The following ARHGAP26 variants were observed in gnomAD, a reference collection of about 807,000 sequenced individuals.
The protein encoded by ARHGAP26 is Rho GTPase activating protein 26.
A neutral mutation model predicts 104.8 loss-of-function variants in ARHGAP26; 38 were observed. The ratio of observed to expected loss-of-function variants is 0.36; its 90% confidence interval spans 0.28 to 0.48. ARHGAP26 has a LOEUF of 0.48. ARHGAP26 is among the 20% of genes least tolerant of loss of function. The pLI, the probability that ARHGAP26 is intolerant of heterozygous loss-of-function variation, is 0.99. For missense variants in ARHGAP26, 704 were observed against 947.9 expected, an observed-to-expected ratio of 0.74 and a Z score of 3.38; for synonymous variants, 341 against 340.0, an observed-to-expected ratio of 1.00 and a Z score of -0.03.
At chr5:142,913,526 T>C (rs1387457962) in intron 10 of ARHGAP26, among the ~76,000 whole-genome samples, 4 of 152,144 alleles carry the variant, frequency 2.6e-5, no homozygotes, top group Admixed American at 6.5e-5. Context: ...ATCTTTTGGG[T>C]TCAGCACTGA....
At chr5:143,019,911 C>A (rs1026854577) in intron 12 of ARHGAP26, among the ~76,000 whole-genome samples, 6 of 152,174 alleles carry the variant, frequency 3.9e-5, no homozygotes, top group Admixed American at 3.9e-4. Context: ...TGGGTATTAA[C>A]TCAGATTCCA....
chr5:142,910,259 C>G (rs539243556), intron 9 of ARHGAP26, among the ~76,000 whole-genome samples: 21 of 152,232 alleles, frequency 1.4e-4, no homozygotes, highest in Non-Finnish European at 2.5e-4. Context: ...TAACAAGTTA[C>G]AGAGCTGGTG....
intron 11 of ARHGAP26, among the ~76,000 whole-genome samples, chr5:142,951,331 A>T (rs568746123): frequency 2.6e-4 from 40 of 152,242 alleles, no homozygotes; most frequent in Non-Finnish European, 5.0e-4. Context: ...AAGTGCTGGG[A>T]TTACAGGCAT....
intron 17 of ARHGAP26, among the ~76,000 whole-genome samples, chr5:143,076,034 C>G (rs915276832): frequency 1.3e-5 from 2 of 152,056 alleles, no homozygotes; most frequent in African/African-American, 2.4e-5. Context: ...AGCTCTCACT[C>G]TGTCACCCAG....
intron 11 of ARHGAP26, among the ~76,000 whole-genome samples, chr5:143,006,042 A>G (rs1381874478): frequency 6.6e-6 from 1 of 152,218 alleles, no homozygotes; most frequent in Non-Finnish European, 1.5e-5. Context: ...GTGGATGTAG[A>G]GCTAACACAC....
In ARHGAP26 at chr5:142,910,058, T is replaced by A. The variant is rs372220864; in HGVS notation, c.933+2254T>A. On this transcript the variant is annotated intron_variant, in intron 9 of 22. Coordinates refer to ENST00000645722, the MANE Select transcript of ARHGAP26 (RefSeq NM_001135608.3). ...TATAAAAATTTTTTGGAACAAATCC[T>A]GACACATAATGGGTGCTATATTAGG... Among the ~76,000 whole-genome samples the A allele has an allele frequency of 4.3e-4, 65 of 152,368 alleles. No individual in the cohort carries two copies. The South Asian group carries it at 0.013, about 30-fold the overall frequency.
intron 22 of ARHGAP26, chr5:143,216,584 G>A (rs1810384128): frequency 6.5e-6 from 2 of 307,898 alleles, no homozygotes; most frequent in Admixed American, 4.2e-5. Context: ...ATACAACATG[G>A]TCGTCATCAT....
At chr5:142,948,651 C>G (rs1598352855) in intron 11 of ARHGAP26, among the ~76,000 whole-genome samples, 1 of 140,934 alleles carries the variant, frequency 7.1e-6, no homozygotes, top group Admixed American at 7.1e-5. Context: ...TTCCTTAGCT[C>G]TTTTTTTTTT....
At chr5:142,940,435 A>G (rs961866429) in intron 11 of ARHGAP26, among the ~76,000 whole-genome samples, 4 of 152,052 alleles carry the variant, frequency 2.6e-5, no homozygotes, top group Non-Finnish European at 4.4e-5. Flanking sequence ...TAAGCCTAGT[A>G]CCCAATAATT....
chr5:142,855,230 G>T (rs1297245875), intron 1 of ARHGAP26, among the ~76,000 whole-genome samples: 1 of 152,180 alleles, frequency 6.6e-6, no homozygotes, highest in East Asian at 1.9e-4. Flanking sequence ...GAAAGAAAGG[G>T]CAGGGGTGGG....
chr5:143,110,638 TA>T (rs1339406547), intron 17 of ARHGAP26, among the ~76,000 whole-genome samples: 8 of 152,200 alleles, frequency 5.3e-5, no homozygotes, highest in Non-Finnish European at 7.4e-5. Flanking sequence ...AACTAATCAA[TA>T]AATCAATGAT....
chr5:142,836,960 A>G (rs958240151), intron 1 of ARHGAP26, among the ~76,000 whole-genome samples: 1 of 152,192 alleles, frequency 6.6e-6, no homozygotes, highest in African/African-American at 2.4e-5. Context: ...GGTTTTTCAT[A>G]TTTCAAATCC....
At chr5:142,962,681 A>C (rs968857023) in intron 11 of ARHGAP26, among the ~76,000 whole-genome samples, 3 of 152,130 alleles carry the variant, frequency 2.0e-5, no homozygotes, top group Non-Finnish European at 4.4e-5. Context: ...CTTTGCTTCT[A>C]CTTGAGTGTG....
intron 17 of ARHGAP26, among the ~76,000 whole-genome samples, chr5:143,063,867 T>C (rs374570574): frequency 6.6e-6 from 1 of 152,186 alleles, no homozygotes. Flanking sequence ...TCTTTTAGCA[T>C]GTATCACATT....
intron 11 of ARHGAP26, among the ~76,000 whole-genome samples, chr5:142,999,736 C>G (rs946663922): frequency 2.0e-5 from 3 of 151,896 alleles, no homozygotes; most frequent in Admixed American, 6.6e-5. Flanking sequence ...TGTAATAGGA[C>G]ATAGAAAGTG....
At chr5:143,129,099 G>A (rs540138142) in intron 18 of ARHGAP26, among the ~76,000 whole-genome samples, 1 of 152,306 alleles carries the variant, frequency 6.6e-6, no homozygotes, top group Non-Finnish European at 1.5e-5. Context: ...GGGCCAGAGG[G>A]GGAATCAGTG....
intron 14 of ARHGAP26, among the ~76,000 whole-genome samples, chr5:143,050,043 G>A (rs929959159): frequency 1.6e-4 from 24 of 152,334 alleles, no homozygotes; most frequent in South Asian, 4.1e-4. Context: ...GTGTTTGCTG[G>A]AGTGGGGTTG....
chr5:142,888,780 C>T (rs1351198895), intron 5 of ARHGAP26, among the ~76,000 whole-genome samples: 4 of 152,212 alleles, frequency 2.6e-5, no homozygotes, highest in Non-Finnish European at 5.9e-5. Context: ...ACTCACTGGA[C>T]GCTTCTGTAA....
chr5:143,005,488 G>A (rs906604828), intron 11 of ARHGAP26, among the ~76,000 whole-genome samples: 1 of 152,220 alleles, frequency 6.6e-6, no homozygotes. Context: ...ATGGAGTTGG[G>A]ATCAGCCCCA....
Sources: gnomAD v4.1 joint callset for allele counts (sites outside exome capture counted in the v4.1 genomes callset) on GRCh38, gnomAD v4.1.1 for gene constraint, MANE v1.5 for transcripts, NCBI Gene and HGNC (gene_info 2026-07-23, HGNC 2026-07-21) for gene names.